Variants in PRODH2 observed in about 807,000 individuals in gnomAD.
PRODH2 encodes proline dehydrogenase 2.
In PRODH2, 49 loss-of-function variants were observed where a neutral mutation model predicts 51.9. That is an observed-to-expected ratio of 0.94 (90% CI 0.75 to 1.20). The LOEUF is 1.20. PRODH2 is among the 50% of genes most tolerant of loss of function. The pLI is 0.00. For missense variants in PRODH2, 597 were observed against 610.9 expected (o/e 0.98, Z 0.24); for synonymous variants, 249 against 260.7 (o/e 0.96, Z 0.43).
chr19:35,803,144 G>T (rs1972460140), intron 7 of PRODH2, 66 bp from the exon 8 acceptor site: 3 of 1,186,856 alleles, frequency 2.5e-6, no homozygotes, highest in Admixed American at 5.1e-5. Flanking sequence ...ACTGGGGTGG[G>T]TGGGGTGCTC....
In PRODH2 at chr19:35,802,282, G is replaced by A. The variant is rs937978463; in HGVS notation, c.1113-6C>T. 6.2e-7 allele frequency: 1 copy of A among 1,613,944 alleles called. No individual in the cohort carries two copies. Among genetic ancestry groups the A allele is most frequent in the Non-Finnish European group, 8.5e-7 (1 of 1,179,932 alleles). ...GAATGCCCAGCTCCCACATGCTACAGAAAAGGCCACATCATCAGTCCAGAC... is the reference window on the plus strand; with the variant it reads ...GAATGCCCAGCTCCCACATGCTACAAAAAAGGCCACATCATCAGTCCAGAC... On this transcript the variant is annotated splice_polypyrimidine_tract_variant and splice_region_variant and intron_variant, in intron 8 of 9. Coordinates refer to ENST00000653904, the MANE Select transcript of PRODH2 (RefSeq NM_021232.2).
At position 35,802,196 on chromosome 19, in the gene PRODH2, G is replaced by A. The variant is rs113288685; in HGVS notation, c.1193C>T (p.Ala398Val). 6.2e-7 allele frequency: 1 copy of A among 1,613,900 alleles called. No homozygotes were observed. The highest frequency in any genetic ancestry group is 1.3e-5 in the African/African-American group (1 of 74,884). The change falls in exon 9 of 10, where the codon GCA (alanine) becomes GTA (valine). Residue 398 changes from alanine (A) to valine (V), a missense_variant. Coordinates refer to ENST00000653904, the MANE Select transcript of PRODH2 (RefSeq NM_021232.2). ...LLGMCDHVSLALGQAGYVVYK... is the reference protein window; with the variant it reads ...LLGMCDHVSLVLGQAGYVVYK... ...TGGGGGAGCCATTCACATACCCAGT[G>A]CTAGAGAGACGTGGTCACACATGCC...
intron 4 of PRODH2, among the ~76,000 whole-genome samples, chr19:35,810,523 A>ATT (rs1217252603): frequency 7.2e-6 from 1 of 138,028 alleles, no homozygotes; most frequent in Non-Finnish European, 1.6e-5. Context: ...GGCAAGAAGA[A>ATT]TTTTTTTTTT....
intron 9 of PRODH2, 139 bp downstream of exon 9, chr19:35,802,052 G>A (rs1972439687): frequency 2.7e-6 from 2 of 739,348 alleles, no homozygotes; most frequent in Non-Finnish European, 4.7e-6. Flanking sequence ...CACAGCCTTG[G>A]AAGGCCCACA....
chr19:35,803,108 T>C (rs995679762), intron 7 of PRODH2, 30 bp from the exon 8 acceptor site: 3 of 1,468,594 alleles, frequency 2.0e-6, no homozygotes, highest in Non-Finnish European at 2.8e-6. Flanking sequence ...TCAGCTCACC[T>C]GGTGAGCGAG....
chr19:35,803,088 G>T lies in PRODH2; in HGVS notation c.1002-10C>A. 6.6e-7 allele frequency: 1 copy of T among 1,525,390 alleles called. No homozygotes were observed. Among genetic ancestry groups the T allele is most frequent in the East Asian group, 2.5e-5 (1 of 40,576 alleles). The allele number at this position is 1,525,390 out of a possible 1,614,324, so 94.5% of individuals were successfully genotyped here. A position where few individuals can be genotyped will look rare whatever the true frequency, so the allele number is the denominator to read the frequency against. ...CAGGCAGCGGCTGTAACTGAAGGGA[G>T]ATGCTCTGTTCAGCTCACCTGGTGA... On this transcript the variant is annotated splice_polypyrimidine_tract_variant and intron_variant, in intron 7 of 9. Coordinates refer to ENST00000653904, the MANE Select transcript of PRODH2 (RefSeq NM_021232.2).
rs753920138 is a variant in PRODH2, at chr19:35,807,935, C to T, written c.598-814G>A. The stretch of plus-strand genomic sequence containing the variant: ...GTACCACAGGCACCCACCACCATGC[C>T]GGGCTAATTCTTTACTATTTGTAGA... On this transcript the variant is annotated intron_variant, in intron 4 of 9. Coordinates refer to ENST00000653904, the MANE Select transcript of PRODH2 (RefSeq NM_021232.2). Among the ~76,000 whole-genome samples, 22 of 151,988 alleles carry T rather than the reference C, an allele frequency of 1.4e-4. No homozygotes were observed. In the Middle Eastern group the frequency reaches 0.014, roughly 94 times the overall value.
At chr19:35,805,059 C>T (rs1285620887) in intron 7 of PRODH2, among the ~76,000 whole-genome samples, 1 of 151,568 alleles carries the variant, frequency 6.6e-6, no homozygotes, top group Non-Finnish European at 1.5e-5. Context: ...TAGTGGTTTC[C>T]AGGGGCTGAG....
chr19:35,803,318 G>A (rs1972462071), intron 7 of PRODH2, among the ~76,000 whole-genome samples: 1 of 152,100 alleles, frequency 6.6e-6, no homozygotes, highest in Non-Finnish European at 1.5e-5. Context: ...GCAGTGGCAT[G>A]ATCTCAGCTC....
chr19:35,810,851 G>T (rs1044338049), intron 4 of PRODH2, among the ~76,000 whole-genome samples: 1 of 152,156 alleles, frequency 6.6e-6, no homozygotes, highest in African/African-American at 2.4e-5. Context: ...GATTTGGATT[G>T]CTCAAGTGTG....
chr19:35,810,545 C>T (rs1312475633), intron 4 of PRODH2, among the ~76,000 whole-genome samples: 3 of 146,680 alleles, frequency 2.0e-5, no homozygotes, highest in East Asian at 2.0e-4. Context: ...TTTTTTGAGA[C>T]GGAGTCTTAC....
At position 35,806,465 on chromosome 19, in the gene PRODH2, G is replaced by C; in HGVS notation, c.966C>G (p.Asp322Glu). Residue 322 changes from aspartate (D) to glutamate (E), a missense_variant, in exon 7 of 10, where the codon GAC becomes GAG. Transcript: ENST00000653904. ...RAVAQLHGME[D>E]PTQPDYEATS... Reference sequence around the variant, plus strand: ...TGGCCTCATAGTCAGGCTGAGTGGGGTCTTCCATCCCATGGAGCTGGGCCA... The same window carrying C: ...TGGCCTCATAGTCAGGCTGAGTGGGCTCTTCCATCCCATGGAGCTGGGCCA... The C allele has an allele frequency of 2.5e-6, 4 of 1,614,130 alleles. No homozygotes were observed. In the East Asian group the frequency reaches 6.7e-5, roughly 27 times the overall value.
In PRODH2 at chr19:35,812,575, G is replaced by A. The variant is rs1194941150; in HGVS notation, c.175-19C>T. Reference sequence around the variant, plus strand: ...CCTGGAGCTGGGTGACAGGGAGCGAGGGCTCAGCGCCAGGCTATGAGGAGC... The same window carrying A: ...CCTGGAGCTGGGTGACAGGGAGCGAAGGCTCAGCGCCAGGCTATGAGGAGC... On this transcript the variant is annotated intron_variant, in intron 1 of 9. Transcript: ENST00000653904. 6.2e-7 allele frequency: 1 copy of A among 1,611,460 alleles called. No individual in the cohort carries two copies. The highest frequency in any genetic ancestry group is 1.7e-5 in the Admixed American group (1 of 59,868).
At chr19:35,811,259 T>C (rs1325115188) in intron 4 of PRODH2, among the ~76,000 whole-genome samples, 1 of 151,806 alleles carries the variant, frequency 6.6e-6, no homozygotes, top group Non-Finnish European at 1.5e-5. Context: ...ATATGCATTA[T>C]ACAAGACGGC....
At chr19:35,800,352 G>A (rs1315597340) in intron 9 of PRODH2, 130 bp from the exon 10 acceptor site, 43 of 795,724 alleles carry the variant, frequency 5.4e-5, no homozygotes, top group Non-Finnish European at 6.9e-5. Flanking sequence ...AGGTTCAAGC[G>A]ATTCTCATGC....
At chr19:35,800,746 GC>G (rs2146776954) in intron 9 of PRODH2, among the ~76,000 whole-genome samples, 1 of 152,206 alleles carries the variant, frequency 6.6e-6, no homozygotes, top group Non-Finnish European at 1.5e-5. Flanking sequence ...AGGCTGGAGT[GC>G]AGTGGTGTGA....
Position 35,812,658 on chromosome 19 carries a change from G to T in PRODH2, c.148C>A (p.Pro50Thr), listed in dbSNP as rs1316381169. The T allele has an allele frequency of 2.5e-6, 4 of 1,595,768 alleles. No homozygotes were observed. In the Admixed American group the frequency reaches 6.8e-5, roughly 27 times the overall value. The change falls in exon 1 of 10, where the codon CCC becomes ACC. Residue 50 changes from proline to threonine, a missense_variant. Coordinates refer to ENST00000653904, the MANE Select transcript of PRODH2 (RefSeq NM_021232.2). ...AACAGCCCGTGAGTGACGAGTGGGG[G>T]CCAGGCACACAGCCGGAGAACCAGC... ...ALLVLRLCAWPPLVTHGLLLQ... is the reference protein window; with the variant it reads ...ALLVLRLCAWTPLVTHGLLLQ...
chr19:35,808,578 A>T (rs960984935), intron 4 of PRODH2, among the ~76,000 whole-genome samples: 1 of 152,036 alleles, frequency 6.6e-6, no homozygotes, highest in Non-Finnish European at 1.5e-5. Context: ...GCTATTTCAG[A>T]CACCCACCAA....
At chr19:35,800,748 A>C (rs369538612) in intron 9 of PRODH2, among the ~76,000 whole-genome samples, 132 of 152,078 alleles carry the variant, frequency 8.7e-4, no homozygotes, top group Admixed American at 1.8e-3. Context: ...GCTGGAGTGC[A>C]GTGGTGTGAT....
Sources: allele counts gnomAD v4.1 joint callset (sites outside exome capture counted in the v4.1 genomes callset), GRCh38; gene constraint gnomAD v4.1.1; transcripts MANE v1.5; gene names NCBI Gene and HGNC (gene_info 2026-07-23, HGNC 2026-07-21).